ROBO1: variants seen among roughly 807,000 people sequenced by gnomAD.
The protein encoded by ROBO1 is roundabout guidance receptor 1.
A neutral mutation model predicts 195.9 loss-of-function variants in ROBO1; 149 were observed. That is an observed-to-expected ratio of 0.76 (90% CI 0.67 to 0.87). The LOEUF (loss-of-function observed/expected upper bound fraction) is 0.87. ROBO1 is among the 40% of genes least tolerant of loss of function. The probability of loss-of-function intolerance (pLI) is 0.00; values close to 1 mark genes in which losing one functional copy is unlikely to be tolerated. For synonymous variants in ROBO1, 816 were observed against 733.2 expected (o/e 1.11, Z -1.82); for missense variants, 1,933 against 2,068.3 (o/e 0.93, Z 1.27).
At chr3:79,179,838 G>A (rs1222630345) in intron 2 of ROBO1, among the ~76,000 whole-genome samples, 1 of 152,172 alleles carries the variant, frequency 6.6e-6, no homozygotes, top group Non-Finnish European at 1.5e-5. Flanking sequence ...TTTGAAATGA[G>A]TTGATCTTGA....
chr3:78,935,836 CA>C (rs1576426588), intron 4 of ROBO1, among the ~76,000 whole-genome samples: 1 of 151,886 alleles, frequency 6.6e-6, no homozygotes, highest in East Asian at 1.9e-4. Context: ...TTTATAAAAT[CA>C]AACTTCAAAT....
intron 3 of ROBO1, among the ~76,000 whole-genome samples, chr3:78,947,888 T>C (rs889014803): frequency 1.3e-5 from 2 of 152,090 alleles, no homozygotes; most frequent in South Asian, 2.1e-4. Context: ...GAGAATACTA[T>C]AAACACCTCT....
At chr3:78,759,838 C>A (rs184294610) in intron 4 of ROBO1, among the ~76,000 whole-genome samples, 1 of 142,098 alleles carries the variant, frequency 7.0e-6, no homozygotes, top group African/African-American at 2.6e-5. Flanking sequence ...TGCCTTTTAA[C>A]GTAAAAAATA....
chr3:78,863,237 C>T (rs1280423460), intron 4 of ROBO1, among the ~76,000 whole-genome samples: 3 of 152,080 alleles, frequency 2.0e-5, no homozygotes, highest in Non-Finnish European at 4.4e-5. Flanking sequence ...TGTCTCACAC[C>T]TAGTGAGTGG....
At chr3:79,431,147 G>C (rs569671450) in intron 2 of ROBO1, among the ~76,000 whole-genome samples, 1 of 152,130 alleles carries the variant, frequency 6.6e-6, no homozygotes, top group Non-Finnish European at 1.5e-5. Flanking sequence ...TCAGTGTCTT[G>C]TCACCAGCAA....
chr3:79,428,193 T>C (rs903710567), intron 2 of ROBO1, among the ~76,000 whole-genome samples: 1 of 151,980 alleles, frequency 6.6e-6, no homozygotes, highest in Non-Finnish European at 1.5e-5. Flanking sequence ...AACAGGTATA[T>C]AAAAAGGTGT....
Position 79,247,419 on chromosome 3 carries a change from A to AC in ROBO1, c.89-121881_89-121880insG, listed in dbSNP as rs200157841. Among the ~76,000 whole-genome samples, 87 of 151,640 alleles carry AC rather than the reference A, an allele frequency of 5.7e-4. 4 individuals are homozygous for AC. In the East Asian group the frequency reaches 0.013, roughly 22 times the overall value. ...GTTTAAAGCAATCGAACAAAGGAAA[A>AC]GTCCATTTATTTGGAACAAAGAAAC... On this transcript the variant is annotated intron_variant, in intron 2 of 30. Transcript: ENST00000464233.
At chr3:78,677,124 G>A (rs992020934) in intron 10 of ROBO1, among the ~76,000 whole-genome samples, 1 of 152,192 alleles carries the variant, frequency 6.6e-6, no homozygotes, top group Admixed American at 6.5e-5. Context: ...AGCAAATGCT[G>A]AGAGATTTTG....
At chr3:79,294,486 C>A (rs527333217) in intron 2 of ROBO1, among the ~76,000 whole-genome samples, 32 of 152,204 alleles carry the variant, frequency 2.1e-4, no homozygotes, top group Middle Eastern at 3.4e-3. Flanking sequence ...GACCTAAAAT[C>A]ATAAAAATCT....
At chr3:79,231,208 A>G (rs1020277914) in intron 2 of ROBO1, among the ~76,000 whole-genome samples, 1 of 152,220 alleles carries the variant, frequency 6.6e-6, no homozygotes, top group African/African-American at 2.4e-5. Context: ...TATAAGCAAA[A>G]ATTGGTAAAT....
chr3:79,390,329 G>T (rs1206362126), intron 2 of ROBO1, among the ~76,000 whole-genome samples: 1 of 152,154 alleles, frequency 6.6e-6, no homozygotes, highest in East Asian at 1.9e-4. Context: ...CAGAGCTAGG[G>T]ATATAAGATT....
chr3:79,507,018 T>G (rs1035598417), intron 2 of ROBO1, among the ~76,000 whole-genome samples: 1 of 152,210 alleles, frequency 6.6e-6, no homozygotes, highest in Non-Finnish European at 1.5e-5. Context: ...ATTCTGGAAG[T>G]GTCAGTTGCC....
At chr3:79,541,615 T>C (rs1942069688) in intron 2 of ROBO1, among the ~76,000 whole-genome samples, 1 of 151,978 alleles carries the variant, frequency 6.6e-6, no homozygotes, top group Non-Finnish European at 1.5e-5. Flanking sequence ...CACCATAATA[T>C]TTTGTTAAAA....
intron 1 of ROBO1, among the ~76,000 whole-genome samples, chr3:79,670,629 A>AC (rs762538553): frequency 7.9e-5 from 12 of 151,982 alleles, no homozygotes; most frequent in Non-Finnish European, 1.8e-4. Context: ...TTGAAATGGC[A>AC]CACATTCACT....
At chr3:79,089,918 T>C (rs1323433794) in intron 3 of ROBO1, among the ~76,000 whole-genome samples, 15 of 149,812 alleles carry the variant, frequency 1.0e-4, no homozygotes, top group Non-Finnish European at 1.9e-4. Flanking sequence ...AACATTGATA[T>C]ATATCATCCA....
intron 3 of ROBO1, among the ~76,000 whole-genome samples, chr3:79,009,107 A>ATTTTT (rs749520016): frequency 8.7e-6 from 1 of 115,356 alleles, no homozygotes. Flanking sequence ...CGCCCAGCTA[A>ATTTTT]TTTTTTTTTT....
chr3:78,867,260 TGC>T (rs1213727547), intron 4 of ROBO1, among the ~76,000 whole-genome samples: 66 of 152,320 alleles, frequency 4.3e-4, no homozygotes, highest in African/African-American at 1.6e-3. Context: ...ACTGGAAAAC[TGC>T]CTCCTTCATT....
chr3:79,231,763 G>C (rs772071621), intron 2 of ROBO1, among the ~76,000 whole-genome samples: 1 of 152,038 alleles, frequency 6.6e-6, no homozygotes, highest in African/African-American at 2.4e-5. Context: ...ACATGCCCAG[G>C]TATGTTCCTT....
chr3:79,103,359 CATTATTGA>C (rs2079714609), intron 3 of ROBO1, among the ~76,000 whole-genome samples: 1 of 151,770 alleles, frequency 6.6e-6, no homozygotes, highest in Non-Finnish European at 1.5e-5. Context: ...TCAGCTTTTG[CATTATTGA>C]CTGAGGCTTA....
Sources: gnomAD v4.1 joint callset for allele counts (sites outside exome capture counted in the v4.1 genomes callset) on GRCh38, gnomAD v4.1.1 for gene constraint, MANE v1.5 for transcripts, NCBI Gene and HGNC (gene_info 2026-07-23, HGNC 2026-07-21) for gene names.